KIR2DL1: variants seen among roughly 807,000 people sequenced by gnomAD.
The protein encoded by KIR2DL1 is killer cell immunoglobulin like receptor, two Ig domains and long cytoplasmic tail 1.
Under a neutral mutation model 33.9 loss-of-function variants are expected in KIR2DL1, and 38 were observed. That is an observed-to-expected ratio of 1.12 (90% CI 0.86 to 1.47). The LOEUF is 1.47. Ranked by LOEUF, KIR2DL1 falls within the 40% of genes most tolerant of loss-of-function variation. The pLI, the probability that KIR2DL1 is intolerant of heterozygous loss-of-function variation, is 0.00. For missense variants in KIR2DL1, 531 were observed against 433.9 expected, an observed-to-expected ratio of 1.22 and a Z score of -1.99; for synonymous variants, 179 against 165.9, an observed-to-expected ratio of 1.08 and a Z score of -0.61.
chr19:54,772,812 G>A (rs1569164938), intron 2 of KIR2DL1, among the ~76,000 whole-genome samples: 1 of 144,744 alleles, frequency 6.9e-6, no homozygotes, highest in Middle Eastern at 3.5e-3. Context: ...TCCACATAGG[G>A]AGGGGTTGAT....
At chr19:54,777,234 G>A (rs1238343278) in intron 4 of KIR2DL1, among the ~76,000 whole-genome samples, 1 of 149,376 alleles carries the variant, frequency 6.7e-6, no homozygotes, top group East Asian at 1.9e-4. Context: ...GGAATTACAG[G>A]CACACGCCAC....
At position 54,775,900 on chromosome 19, in the gene KIR2DL1, A is replaced by AT. The variant is rs557368150; in HGVS notation, c.664+451dup. 1.9e-4 allele frequency among the ~76,000 whole-genome samples: 28 copies of AT among 144,266 alleles called. 1 individual carries two copies. Among genetic ancestry groups the AT allele is most frequent in the African/African-American group, 3.0e-4 (12 of 39,584 alleles). 94.6% of individuals were successfully genotyped at this position (144,266 alleles called of 152,430 possible). A position where few individuals can be genotyped will look rare whatever the true frequency, so the allele number is the denominator to read the frequency against. The stretch of plus-strand genomic sequence containing the variant: ...ACCTATATAGCTTACCACTTTTAAC[A>AT]TTTTTTTTTGAGGTGGAGTCTAGCT... On this transcript the variant is annotated intron_variant, in intron 4 of 7. Coordinates refer to ENST00000336077, the MANE Select transcript of KIR2DL1 (RefSeq NM_014218.3).
chr19:54,773,368 G>C lies in KIR2DL1; in HGVS notation c.106G>C (p.Gly36Arg), dbSNP rs1443081550. 2 of 1,599,666 alleles carry C rather than the reference G, an allele frequency of 1.3e-6. 1 individual carries two copies. Among genetic ancestry groups the C allele is most frequent in the Non-Finnish European group, 1.7e-6 (2 of 1,170,942 alleles). ...HRKPSLLAHP[G>R]RLVKSEETVI... ...AAAACCTTCCCTCCTGGCCCACCCA[G>C]GTCGCCTGGTGAAATCAGAAGAGAC... is the stretch of plus-strand genomic sequence containing the variant. The change falls in exon 3 of 8, where the codon GGT (glycine) becomes CGT (arginine). Residue 36 changes from glycine (G) to arginine (R), a missense_variant. Transcript: ENST00000336077.
intron 4 of KIR2DL1, 127 bp downstream of exon 4, chr19:54,775,585 G>C: frequency 7.8e-7 from 1 of 1,280,348 alleles, no homozygotes; most frequent in South Asian, 1.3e-5. Flanking sequence ...GTGAGGGAGG[G>C]ATCAGGGCAC....
rs1437206044 is a variant in KIR2DL1, at chr19:54,782,909, C to T, written c.716-13C>T. ...TAAGATTAGCTTCTTATTGGTGTCT[C>T]ATCTTCTTCCAGGTAACCCCCGACA... On this transcript the variant is annotated splice_polypyrimidine_tract_variant and intron_variant, in intron 5 of 7. Transcript: ENST00000336077. 2.5e-6 allele frequency: 4 copies of T among 1,610,912 alleles called. No individual in the cohort carries two copies. The highest frequency in any genetic ancestry group is 2.5e-6 in the Non-Finnish European group (3 of 1,177,452).
intron 5 of KIR2DL1, among the ~76,000 whole-genome samples, chr19:54,779,688 T>C (rs2076742908): frequency 6.7e-6 from 1 of 148,968 alleles, no homozygotes; most frequent in Admixed American, 6.8e-5. Context: ...AAATAACATA[T>C]TCACAAGCTA....
Position 54,783,744 on chromosome 19 carries a change from A to T in KIR2DL1, c.978A>T (p.Pro326=), listed in dbSNP as rs2077341895. The T allele has an allele frequency of 6.2e-7, 1 of 1,614,020 alleles. No individual in the cohort carries two copies. ...CTTCTCAGAGGCCCAAGACACCCCCAACAGATATCATCGTGTACACGGAAC... is the reference window on the plus strand; with the variant it reads ...CTTCTCAGAGGCCCAAGACACCCCCTACAGATATCATCGTGTACACGGAAC... ...TRPSQRPKTP[P]TDIIVYTELP... Residue 326 remains proline (P), a synonymous_variant, in exon 8 of 8, where the codon CCA becomes CCT. Coordinates refer to ENST00000336077, the MANE Select transcript of KIR2DL1 (RefSeq NM_014218.3).
intron 5 of KIR2DL1, among the ~76,000 whole-genome samples, chr19:54,779,016 G>A (rs1253045285): frequency 1.4e-5 from 2 of 146,702 alleles, no homozygotes; most frequent in African/African-American, 2.5e-5. Context: ...ATGAGGGCAA[G>A]GTGTTTTAGA....
chr19:54,770,658 G>T (rs1465196271), intron 1 of KIR2DL1, among the ~76,000 whole-genome samples, 191 bp from the exon 2 acceptor site: 2 of 147,848 alleles, frequency 1.4e-5, no homozygotes, highest in Non-Finnish European at 3.0e-5. Context: ...GGCTTGAGGT[G>T]GGGATATGGA....
intron 4 of KIR2DL1, among the ~76,000 whole-genome samples, chr19:54,776,798 G>C (rs112969464): frequency 0.068 from 8,993 of 131,418 alleles, 59 homozygotes; most frequent in Middle Eastern, 0.12. Flanking sequence ...ACACCACCAT[G>C]CCTGGCTACT....
rs1203568961 is a variant in KIR2DL1, at chr19:54,783,036, A to G, written c.817+13A>G. 8 of 1,611,238 alleles carry G rather than the reference A, an allele frequency of 5.0e-6. No homozygotes were observed. Among genetic ancestry groups the G allele is most frequent in the East Asian group, 2.2e-5 (1 of 44,862 alleles). Reference sequence around the variant, plus strand: ...TCCAACAAAAAAAGTAAGTCTCACGAAGCAGAGGCCAGAGAGCTCAGGGCC... The same window carrying G: ...TCCAACAAAAAAAGTAAGTCTCACGGAGCAGAGGCCAGAGAGCTCAGGGCC... On this transcript the variant is annotated intron_variant, in intron 6 of 7. Coordinates refer to ENST00000336077, the MANE Select transcript of KIR2DL1 (RefSeq NM_014218.3).
chr19:54,783,477 C>A lies in KIR2DL1; in HGVS notation c.818-9C>A. On this transcript the variant is annotated splice_polypyrimidine_tract_variant and intron_variant, in intron 6 of 7. Coordinates refer to ENST00000336077, the MANE Select transcript of KIR2DL1 (RefSeq NM_014218.3). Reference sequence around the variant, plus strand: ...TCCGAGCTGTTTTGTTGACTTCCATCTTCTACAGATGCTGCGGTAATGGAC... The same window carrying A: ...TCCGAGCTGTTTTGTTGACTTCCATATTCTACAGATGCTGCGGTAATGGAC... The A allele has an allele frequency of 6.2e-7, 1 of 1,613,044 alleles. No individual in the cohort carries two copies. Among genetic ancestry groups the A allele is most frequent in the Non-Finnish European group, 8.5e-7 (1 of 1,179,304 alleles).
chr19:54,774,759 T>C (rs1462037530), intron 3 of KIR2DL1, among the ~76,000 whole-genome samples: 1 of 147,956 alleles, frequency 6.8e-6, no homozygotes, highest in Non-Finnish European at 1.5e-5. Context: ...AGATGATATA[T>C]AGATATAGAT....
intron 5 of KIR2DL1, among the ~76,000 whole-genome samples, chr19:54,780,621 C>T (rs1291772532): frequency 0.013 from 1,678 of 128,098 alleles, no homozygotes; most frequent in South Asian, 0.026. Flanking sequence ...TCTAGGAGAC[C>T]GTGGAAAAGG....
intron 3 of KIR2DL1, among the ~76,000 whole-genome samples, 197 bp from the exon 4 acceptor site, chr19:54,774,968 G>A (rs1290146752): frequency 6.8e-6 from 1 of 148,072 alleles, no homozygotes; most frequent in East Asian, 1.9e-4. Context: ...ATCTAGAGGT[G>A]GGGAAGTGAG....
intron 5 of KIR2DL1, 43 bp from the exon 6 acceptor site, chr19:54,782,879 A>C (rs1377752192): frequency 1.5e-5 from 24 of 1,586,724 alleles, no homozygotes; most frequent in Non-Finnish European, 2.0e-5. Flanking sequence ...ATAAAGAGGA[A>C]CTGCTAAGAT....
chr19:54,783,812 G>A lies in KIR2DL1; in HGVS notation c.1046G>A (p.Ter349=), dbSNP rs754940829. The stretch of plus-strand genomic sequence containing the variant: ...AGATCCAAAGTTGTCTCCTGCCCAT[G>A]AGCACCACAGTCAGGCCTTGAGGGC... ...ESRSKVVSCP[*] Residue 349 remains the stop codon, a stop_retained_variant, in exon 8 of 8, where the codon TGA becomes TAA. Transcript: ENST00000336077. 9 of 1,613,892 alleles carry A rather than the reference G, an allele frequency of 5.6e-6. No homozygotes were observed. Among genetic ancestry groups the A allele is most frequent in the East Asian group, 4.5e-5 (2 of 44,876 alleles).
chr19:54,771,469 G>A (rs1027705827), intron 2 of KIR2DL1, among the ~76,000 whole-genome samples: 2 of 147,562 alleles, frequency 1.4e-5, no homozygotes, highest in African/African-American at 2.5e-5. Flanking sequence ...TGTGTTTGCG[G>A]GATGGGTCCT....
At chr19:54,770,373 G>A (rs1232416212) in intron 1 of KIR2DL1, among the ~76,000 whole-genome samples, 2 of 144,030 alleles carry the variant, frequency 1.4e-5, no homozygotes, top group Admixed American at 7.0e-5. Flanking sequence ...CCTAGAGGTC[G>A]ATATCTGGGC....
Sources: gnomAD v4.1 joint callset for allele counts (sites outside exome capture counted in the v4.1 genomes callset) on GRCh38, gnomAD v4.1.1 for gene constraint, MANE v1.5 for transcripts, NCBI Gene and HGNC (gene_info 2026-07-23, HGNC 2026-07-21) for gene names.